Variants in DAP observed in about 807,000 individuals in gnomAD.
The protein encoded by DAP is death associated protein, also known as death-associated protein 1.
A neutral mutation model predicts 13.8 loss-of-function variants in DAP; 8 were observed. That is an observed-to-expected ratio of 0.58 (90% CI 0.34 to 1.05). The LOEUF is 1.05. Ranked by LOEUF, DAP falls within the 50% of genes least tolerant of loss-of-function variation. DAP has a pLI of 0.03. For missense variants in DAP, 106 were observed against 133.2 expected (o/e 0.80, Z 1.01); for synonymous variants, 47 against 47.5 (o/e 0.99, Z 0.04).
At position 10,681,188 on chromosome 5, in the gene DAP, A is replaced by C; in HGVS notation, c.196-19T>G. The C allele has an allele frequency of 2.0e-6, 3 of 1,473,674 alleles. No homozygotes were observed. The highest frequency in any genetic ancestry group is 2.7e-6 in the Non-Finnish European group (3 of 1,111,446). The allele number at this position is 1,473,674 out of a possible 1,614,324, so 91.3% of individuals were successfully genotyped here. ...TGTCACCCTGTCAGGAAACACGGAA[A>C]GCTCAGGTTAATCAATAGGAAGCAT... On this transcript the variant is annotated intron_variant, in intron 3 of 3. Coordinates refer to ENST00000230895, the MANE Select transcript of DAP (RefSeq NM_004394.3).
At chr5:10,726,403 C>T (rs1018219827) in intron 2 of DAP, among the ~76,000 whole-genome samples, 14 of 152,228 alleles carry the variant, frequency 9.2e-5, no homozygotes, top group Non-Finnish European at 1.5e-5. Flanking sequence ...CAAGCAGCAC[C>T]ACTAACTCTG....
At chr5:10,706,701 G>T (rs545217785) in intron 2 of DAP, among the ~76,000 whole-genome samples, 1 of 152,166 alleles carries the variant, frequency 6.6e-6, no homozygotes, top group East Asian at 1.9e-4. Context: ...AATGATGATC[G>T]GATTTGATAA....
At chr5:10,714,420 C>T (rs1316182307) in intron 2 of DAP, among the ~76,000 whole-genome samples, 6 of 152,102 alleles carry the variant, frequency 3.9e-5, no homozygotes, top group African/African-American at 1.4e-4. Flanking sequence ...AAAGTGATGG[C>T]AGTGATCAGA....
intron 2 of DAP, among the ~76,000 whole-genome samples, chr5:10,731,904 C>T (rs899720348): frequency 7.9e-5 from 12 of 152,192 alleles, no homozygotes; most frequent in African/African-American, 2.9e-4. Context: ...GAGAGGTGGC[C>T]CTGGAAAAGC....
intron 2 of DAP, among the ~76,000 whole-genome samples, chr5:10,730,670 C>T (rs1383698897): frequency 7.6e-6 from 1 of 130,838 alleles, no homozygotes; most frequent in East Asian, 2.2e-4. Flanking sequence ...CTACTGAGAG[C>T]CCTGGTGGGG....
At chr5:10,721,543 C>T (rs1306902677) in intron 2 of DAP, among the ~76,000 whole-genome samples, 2 of 152,178 alleles carry the variant, frequency 1.3e-5, no homozygotes, top group Non-Finnish European at 2.9e-5. Context: ...GAAGAGTATG[C>T]ATGGAATACA....
chr5:10,688,662 G>GACAC (rs372946276), intron 2 of DAP, among the ~76,000 whole-genome samples: 1 of 152,114 alleles, frequency 6.6e-6, no homozygotes, highest in Non-Finnish European at 1.5e-5. Flanking sequence ...TATAAAGATT[G>GACAC]ACACACACAC....
chr5:10,732,030 C>A (rs1262292874), intron 2 of DAP, among the ~76,000 whole-genome samples: 1 of 152,206 alleles, frequency 6.6e-6, no homozygotes, highest in Non-Finnish European at 1.5e-5. Context: ...TCTCCCCAAC[C>A]CTGAAGAGTC....
At chr5:10,734,786 C>T (rs1254712162) in intron 2 of DAP, among the ~76,000 whole-genome samples, 1 of 152,138 alleles carries the variant, frequency 6.6e-6, no homozygotes, top group Non-Finnish European at 1.5e-5. Context: ...TTAAGGCAGT[C>T]CCATGTGCTT....
intron 2 of DAP, among the ~76,000 whole-genome samples, chr5:10,747,791 A>G (rs954241219): frequency 1.3e-5 from 2 of 152,186 alleles, no homozygotes; most frequent in African/African-American, 4.8e-5. Context: ...CAGAAAACCA[A>G]TGAGCCACAG....
chr5:10,706,916 A>C (rs1192159097), intron 2 of DAP, among the ~76,000 whole-genome samples: 1 of 152,130 alleles, frequency 6.6e-6, no homozygotes, highest in African/African-American at 2.4e-5. Flanking sequence ...AACAACACGA[A>C]CATCCTGTGT....
At chr5:10,700,048 G>A (rs536332236) in intron 2 of DAP, among the ~76,000 whole-genome samples, 1 of 152,370 alleles carries the variant, frequency 6.6e-6, no homozygotes, top group Admixed American at 6.5e-5. Flanking sequence ...ACAACCTCGA[G>A]CATGAAGAGG....
chr5:10,733,155 C>CGCGTGT (rs1445597386), intron 2 of DAP, among the ~76,000 whole-genome samples: 5 of 128,382 alleles, frequency 3.9e-5, no homozygotes, highest in African/African-American at 1.5e-4. Context: ...AATATTCCTG[C>CGCGTGT]GTGTGTGTGT....
intron 2 of DAP, among the ~76,000 whole-genome samples, chr5:10,715,182 G>A (rs1271021172): frequency 6.6e-6 from 1 of 152,192 alleles, no homozygotes; most frequent in Non-Finnish European, 1.5e-5. Flanking sequence ...TGGAGGAGAG[G>A]AGGAGGCCCC....
chr5:10,726,225 G>A (rs1205949849), intron 2 of DAP, among the ~76,000 whole-genome samples: 3 of 152,316 alleles, frequency 2.0e-5, no homozygotes, highest in Non-Finnish European at 2.9e-5. Flanking sequence ...GGCCAATTAG[G>A]AAGTTATCAT....
intron 2 of DAP, among the ~76,000 whole-genome samples, chr5:10,736,507 G>A (rs1739617248): frequency 6.6e-6 from 1 of 152,234 alleles, no homozygotes; most frequent in South Asian, 2.1e-4. Context: ...TTCACACGCA[G>A]CGGATGCTGC....
intron 2 of DAP, among the ~76,000 whole-genome samples, chr5:10,692,681 C>T (rs924729007): frequency 2.0e-5 from 3 of 152,160 alleles, no homozygotes; most frequent in Non-Finnish European, 4.4e-5. Flanking sequence ...TAGAACTGTA[C>T]GCGACACCCC....
chr5:10,722,859 C>A (rs974106683), intron 2 of DAP, among the ~76,000 whole-genome samples: 8 of 152,118 alleles, frequency 5.3e-5, no homozygotes. Flanking sequence ...TATTCCCCAC[C>A]ATCCTTTACA....
chr5:10,724,888 CA>C (rs1021977722), intron 2 of DAP, among the ~76,000 whole-genome samples: 9 of 151,998 alleles, frequency 5.9e-5, no homozygotes, highest in African/African-American at 1.7e-4. Flanking sequence ...CAACAGCCGC[CA>C]GGGGGTGTAG....
Sources: allele counts gnomAD v4.1 joint callset (sites outside exome capture counted in the v4.1 genomes callset), GRCh38; gene constraint gnomAD v4.1.1; transcripts MANE v1.5; gene names NCBI Gene and HGNC (gene_info 2026-07-23, HGNC 2026-07-21).